Variants in CAMTA1 observed in about 807,000 individuals in gnomAD.
CAMTA1 encodes the protein calmodulin-binding transcription activator 1.
In CAMTA1, 27 loss-of-function variants were observed where a neutral mutation model predicts 170.9. The ratio of observed to expected loss-of-function variants is 0.16; its 90% CI spans 0.12 to 0.22. CAMTA1 has a LOEUF of 0.22. Among genes scored for constraint, CAMTA1 ranks in the 10% least tolerant of loss-of-function variants. The pLI is 1.00. For synonymous variants in CAMTA1, 833 were observed against 891.5 expected (o/e 0.93, Z 1.17); for missense variants, 1,619 against 2,217.2 (o/e 0.73, Z 5.42).
Position 7,680,291 on chromosome 1 carries a change from C to T in CAMTA1, c.2914+2558C>T. On this transcript the variant is annotated intron_variant, in intron 11 of 22. Coordinates refer to ENST00000303635, the MANE Select transcript of CAMTA1 (RefSeq NM_015215.4). The surrounding 1 kb of genome is among the most constrained non-coding windows in gnomAD (Gnocchi z 4.4). Reference sequence around the variant, plus strand: ...CGCAGCTTCTCGGCTCAGCCCCTCCCGTCCCCGCGGGCGCTGGGCCGATTC... The same window carrying T: ...CGCAGCTTCTCGGCTCAGCCCCTCCTGTCCCCGCGGGCGCTGGGCCGATTC... The T allele has an allele frequency of 5.0e-6, 1 of 199,638 alleles. No homozygotes were observed. Among genetic ancestry groups the T allele is most frequent in the Non-Finnish European group, 1.1e-5 (1 of 92,102 alleles). 12.4% of individuals were successfully genotyped at this position (199,638 alleles called of 1,614,324 possible).
In CAMTA1 at chr1:7,384,079, C is replaced by G. The variant is rs138460456; in HGVS notation, c.439-83751C>G. On this transcript the variant is annotated intron_variant, in intron 5 of 22. Coordinates refer to ENST00000303635, the MANE Select transcript of CAMTA1 (RefSeq NM_015215.4). Reference sequence around the variant, plus strand: ...CTGCTCCAACTCCCAGTGCTAGATCCACCCTGGGAAAGAAAAGGTGGCAGG... The same window carrying G: ...CTGCTCCAACTCCCAGTGCTAGATCGACCCTGGGAAAGAAAAGGTGGCAGG... Among the ~76,000 whole-genome samples, 56 of 152,296 alleles carry G rather than the reference C, an allele frequency of 3.7e-4. 1 individual carries two copies. In the East Asian group the frequency reaches 8.3e-3, roughly 23 times the overall value.
chr1:7,037,502 T>C (rs1262716701), intron 3 of CAMTA1, among the ~76,000 whole-genome samples: 3 of 152,214 alleles, frequency 2.0e-5, no homozygotes, highest in Non-Finnish European at 4.4e-5. Context: ...TTGGGCTTTA[T>C]GCTACTTCGA....
At position 7,548,838 on chromosome 1, in the gene CAMTA1, C is replaced by T. The variant is rs140984790; in HGVS notation, c.510+80937C>T. On this transcript the variant is annotated intron_variant, in intron 6 of 22. Transcript: ENST00000303635. ...GGCACCCCTTAGGGGTGGAGGTGCC[C>T]GTGGAGGGTGCCCCCTTAGGGGTGG... Among the ~76,000 whole-genome samples, 10 of 82,814 alleles carry T rather than the reference C, an allele frequency of 1.2e-4. 1 individual carries two copies. Among genetic ancestry groups the T allele is most frequent in the Non-Finnish European group, 2.8e-4 (10 of 36,300 alleles). The allele number at this position is 82,814 out of a possible 152,430, so 54.3% of individuals were successfully genotyped here. A position where few individuals can be genotyped will look rare whatever the true frequency, so the allele number is the denominator to read the frequency against.
chr1:7,136,374 G>A (rs1016288635), intron 4 of CAMTA1, among the ~76,000 whole-genome samples: 1 of 152,072 alleles, frequency 6.6e-6, no homozygotes, highest in East Asian at 1.9e-4. Flanking sequence ...TTCCTTGTGT[G>A]CCAGATCACA....
At chr1:7,553,317 C>A (rs887491530) in intron 6 of CAMTA1, among the ~76,000 whole-genome samples, 1 of 152,190 alleles carries the variant, frequency 6.6e-6, no homozygotes, top group Non-Finnish European at 1.5e-5. Context: ...ATTCAGGGCT[C>A]AGCTATGATG....
At chr1:6,822,174 G>A (rs1646563731) in intron 2 of CAMTA1, among the ~76,000 whole-genome samples, 1 of 152,112 alleles carries the variant, frequency 6.6e-6, no homozygotes, top group African/African-American at 2.4e-5. Flanking sequence ...ACCAGTATAT[G>A]CCTTAATTTT....
At chr1:7,487,949 G>C (rs2093639442) in intron 6 of CAMTA1, among the ~76,000 whole-genome samples, 1 of 152,118 alleles carries the variant, frequency 6.6e-6, no homozygotes, top group Non-Finnish European at 1.5e-5. Context: ...CCCCGGAGTG[G>C]TGTCGTTTGC....
chr1:7,466,068 T>G (rs1318156894), intron 5 of CAMTA1, among the ~76,000 whole-genome samples: 1 of 152,214 alleles, frequency 6.6e-6, no homozygotes, highest in African/African-American at 2.4e-5. Context: ...TGAACCTGCC[T>G]GTGAGAACAT....
rs551568143 is a variant in CAMTA1, at chr1:6,947,711, T to C, written c.234+122501T>C. 3.3e-5 allele frequency among the ~76,000 whole-genome samples: 5 copies of C among 152,302 alleles called. No homozygotes were observed. In the East Asian group the frequency reaches 7.7e-4, roughly 23 times the overall value. Reference sequence around the variant, plus strand: ...TTTAATTCTTTTCAACAATGTTATATATAGTTTTCAGAGTATAAGTTTTGC... The same window carrying C: ...TTTAATTCTTTTCAACAATGTTATACATAGTTTTCAGAGTATAAGTTTTGC... On this transcript the variant is annotated intron_variant, in intron 3 of 22. Transcript: ENST00000303635.
At chr1:7,464,416 A>G (rs6702132) in intron 5 of CAMTA1, among the ~76,000 whole-genome samples, 91,369 of 152,130 alleles carry the variant, frequency 0.6, 28,481 homozygotes, top group African/African-American at 0.74. Context: ...TGATTAGTGG[A>G]TAAAGGGAAT....
At chr1:7,077,386 C>T (rs1433173755) in intron 3 of CAMTA1, among the ~76,000 whole-genome samples, 1 of 152,044 alleles carries the variant, frequency 6.6e-6, no homozygotes, top group Non-Finnish European at 1.5e-5. Context: ...AAAGTGCCTC[C>T]CCGTTGCTGC....
intron 4 of CAMTA1, among the ~76,000 whole-genome samples, chr1:7,179,905 A>G (rs546420451): frequency 1.3e-5 from 2 of 152,324 alleles, no homozygotes; most frequent in East Asian, 3.9e-4. Flanking sequence ...ATAGTAAGAT[A>G]GAGAATGAAA....
chr1:6,908,688 T>C (rs1679076628), intron 3 of CAMTA1, among the ~76,000 whole-genome samples: 1 of 152,228 alleles, frequency 6.6e-6, no homozygotes, highest in Non-Finnish European at 1.5e-5. Context: ...GGTTCAACTT[T>C]GATAACATAC....
chr1:6,916,689 T>C (rs942391199), intron 3 of CAMTA1, among the ~76,000 whole-genome samples: 1 of 152,192 alleles, frequency 6.6e-6, no homozygotes, highest in Admixed American at 6.5e-5. Context: ...CATCCAGAGA[T>C]GAACTGGTTG....
At chr1:6,809,372 A>G (rs985923245) in intron 1 of CAMTA1, among the ~76,000 whole-genome samples, 1 of 152,070 alleles carries the variant, frequency 6.6e-6, no homozygotes, top group African/African-American at 2.4e-5. Context: ...TAGAATGTGT[A>G]TATACAGCGT....
chr1:7,272,700 AAAAAAAAAAAAAAAAAGAAAAG>A (rs1670002561), intron 5 of CAMTA1, among the ~76,000 whole-genome samples: 1 of 138,650 alleles, frequency 7.2e-6, no homozygotes, highest in Non-Finnish European at 1.5e-5. Context: ...TGCAAAAAAA[AAAAAAAAAAAAAAAAAGAAAAG>A]AAAAGAAAAG....
chr1:7,178,633 GC>G (rs1345163926), intron 4 of CAMTA1, among the ~76,000 whole-genome samples: 1 of 152,138 alleles, frequency 6.6e-6, no homozygotes, highest in African/African-American at 2.4e-5. Flanking sequence ...ATGCCTCTCT[GC>G]CTTGTTCCTG....
intron 4 of CAMTA1, among the ~76,000 whole-genome samples, chr1:7,220,509 A>G (rs1660559063): frequency 6.6e-6 from 1 of 151,992 alleles, no homozygotes. Flanking sequence ...ATCCCTGAAG[A>G]CAGCTTCTGT....
intron 5 of CAMTA1, among the ~76,000 whole-genome samples, chr1:7,336,510 T>C (rs772909704): frequency 1.3e-5 from 2 of 152,214 alleles, no homozygotes; most frequent in Non-Finnish European, 2.9e-5. Context: ...TAGTCCCTGC[T>C]TCCATGACCA....
Sources: gnomAD v4.1 joint callset for allele counts (sites outside exome capture counted in the v4.1 genomes callset) on GRCh38, gnomAD v4.1.1 for gene constraint, Gnocchi (gnomAD v3.1) non-coding constraint, MANE v1.5 for transcripts, NCBI Gene and HGNC (gene_info 2026-07-23, HGNC 2026-07-21) for gene names.